BRWD1: variants seen among roughly 807,000 people sequenced by gnomAD.
The protein encoded by BRWD1 is bromodomain and WD repeat-containing protein 1.
In BRWD1, 82 loss-of-function variants were observed where a neutral mutation model predicts 251.2. The observed-to-expected ratio is 0.33, with a 90% CI of 0.27 to 0.39. The LOEUF (loss-of-function observed/expected upper bound fraction) is 0.39. Among genes scored for constraint, BRWD1 ranks in the 10% least tolerant of loss-of-function variants. BRWD1 has a pLI of 1.00. For missense variants in BRWD1, 2,233 were observed against 2,711.6 expected (o/e 0.82, Z 3.92); for synonymous variants, 918 against 902.8 (o/e 1.02, Z -0.30).
At chr21:39,247,305 C>A (rs140257851) in intron 21 of BRWD1, among the ~76,000 whole-genome samples, 1 of 152,108 alleles carries the variant, frequency 6.6e-6, no homozygotes, top group Admixed American at 6.6e-5. Flanking sequence ...TTATCCAGAA[C>A]GCTGGGGAAT....
rs2031686417 is a variant in BRWD1, at chr21:39,194,006, CT to C, written c.*2252del. 2 of 985,500 alleles carry C rather than the reference CT, an allele frequency of 2.0e-6. No individual in the cohort carries two copies. Among genetic ancestry groups the C allele is most frequent in the Non-Finnish European group, 2.4e-6 (2 of 829,698 alleles). The allele number at this position is 985,500 out of a possible 1,614,324, so 61.0% of individuals were successfully genotyped here. ...TGAGAAGCTACCATTGTCGGCTATG[CT>C]TTTAAAGACATCAGGTCCATTCTTG... On this transcript the variant is annotated 3_prime_UTR_variant, in exon 41 of 41. Transcript: ENST00000342449.
At chr21:39,219,295 C>T (rs2033077590) in intron 29 of BRWD1, 1 of 152,332 alleles carries the variant, frequency 6.6e-6, no homozygotes, top group Non-Finnish European at 1.5e-5. Context: ...GTGGGGCACA[C>T]CTGTAATCCC....
At chr21:39,245,144 TGAA>T (rs930966834) in intron 21 of BRWD1, among the ~76,000 whole-genome samples, 2 of 151,772 alleles carry the variant, frequency 1.3e-5, no homozygotes, top group African/African-American at 4.8e-5. Context: ...CTTGGGAGGC[TGAA>T]GGAGGAGGAC....
In BRWD1 at chr21:39,248,677, A is replaced by AAAAAAAAAAAAAAC. The variant is rs2034290160; in HGVS notation, c.2350-846_2350-845insGTTTTTTTTTTTTT. Among the ~76,000 whole-genome samples the AAAAAAAAAAAAAAC allele has an allele frequency of 1.8e-5, 2 of 109,280 alleles. 1 individual carries two copies. Among genetic ancestry groups the AAAAAAAAAAAAAAC allele is most frequent in the Admixed American group, 2.0e-4 (2 of 10,106 alleles). 71.7% of individuals were successfully genotyped at this position (109,280 alleles called of 152,430 possible). A position where few individuals can be genotyped will look rare whatever the true frequency, so the allele number is the denominator to read the frequency against. On this transcript the variant is annotated intron_variant, in intron 20 of 40. Coordinates refer to ENST00000342449, the MANE Select transcript of BRWD1 (RefSeq NM_033656.4). ...AAAAAAAAAAAAAAAAAAAAAAAAA[A>AAAAAAAAAAAAAAC]AAAACACTGGGGGGTGGAGGGCATC...
chr21:39,304,335 G>T (rs1013285836), intron 4 of BRWD1, among the ~76,000 whole-genome samples: 1 of 151,966 alleles, frequency 6.6e-6, no homozygotes, highest in African/African-American at 2.4e-5. Flanking sequence ...AATGAGCAAG[G>T]CACAGTGGCT....
At chr21:39,299,443 G>C (rs1424490364) in intron 4 of BRWD1, among the ~76,000 whole-genome samples, 2 of 152,012 alleles carry the variant, frequency 1.3e-5, no homozygotes, top group Admixed American at 6.6e-5. Context: ...TTAGGTGCCA[G>C]GAGCCATAAG....
Position 39,313,249 on chromosome 21 carries a change from C to G in BRWD1, c.100G>C (p.Ala34Pro). 1 of 1,547,900 alleles carries G rather than the reference C, an allele frequency of 6.5e-7. No individual in the cohort carries two copies. Among genetic ancestry groups the G allele is most frequent in the Non-Finnish European group, 8.8e-7 (1 of 1,142,620 alleles). Residue 34 changes from alanine (A) to proline (P), a missense_variant, in exon 2 of 41, where the codon GCG (alanine) becomes CCG (proline). Physicochemically the swap from Ala to Pro is conservative, Grantham distance 27. Coordinates refer to ENST00000342449, the MANE Select transcript of BRWD1 (RefSeq NM_033656.4). ...CGCGGGCCCGCACTCACCTGGGCCG[C>G]TCTCCGACACGGGCCCGCCGATAGG... is the stretch of plus-strand genomic sequence containing the variant. ...RYLSAGPCRR[A>P]AQVLVQELEQ...
intron 8 of BRWD1, among the ~76,000 whole-genome samples, chr21:39,283,187 G>A (rs1381966954): frequency 1.3e-5 from 2 of 151,890 alleles, no homozygotes; most frequent in African/African-American, 4.9e-5. Flanking sequence ...TTCTTTCGCT[G>A]TCCGTGCTTA....
rs770964641 is a variant in BRWD1, at chr21:39,198,824, T to C, written c.5592A>G (p.Gly1864=). 4.3e-6 allele frequency: 7 copies of C among 1,612,336 alleles called. No homozygotes were observed. The African/African-American group carries it at 9.4e-5, about 22-fold the overall frequency. Residue 1864 remains glycine, a synonymous_variant, in exon 40 of 41, where the codon GGA becomes GGG. Transcript: ENST00000342449. ...CATCTGAATCTAAATCAGTTTCACA[T>C]CCATGATCTGAGGAACACTGGGACA... The part of the protein sequence containing the change: ...IAMSQCSSDH[G]CETDLDSDDD...
At chr21:39,216,022 A>C (rs1189120318) in intron 31 of BRWD1, among the ~76,000 whole-genome samples, 1 of 152,102 alleles carries the variant, frequency 6.6e-6, no homozygotes, top group African/African-American at 2.4e-5. Context: ...AAACAAACAA[A>C]AACTAAGAGC....
chr21:39,218,708 A>C, intron 29 of BRWD1, 48 bp from the exon 30 acceptor site: 1 of 1,434,348 alleles, frequency 7.0e-7, no homozygotes, highest in African/African-American at 1.4e-5. Context: ...AACACAAAAA[A>C]TAAATATATA....
intron 5 of BRWD1, chr21:39,297,634 T>A (rs2035994950): frequency 4.2e-6 from 1 of 236,676 alleles, no homozygotes; most frequent in Non-Finnish European, 6.9e-6. Context: ...AAGAAACAAC[T>A]AAAGCTAACA....
At chr21:39,184,281 A>G (rs1259547828), downstream of BRWD1, 2 of 152,256 alleles carry the variant, frequency 1.3e-5, no homozygotes, top group African/African-American at 4.8e-5. Flanking sequence ...TGTAAAAAAT[A>G]GTGTTTTAAA....
intron 31 of BRWD1, among the ~76,000 whole-genome samples, chr21:39,215,946 G>C (rs2032871442): frequency 6.6e-6 from 1 of 152,146 alleles, no homozygotes; most frequent in Non-Finnish European, 1.5e-5. Flanking sequence ...GCTACAGTGA[G>C]CTATCATCAT....
At chr21:39,287,007 A>G (rs370450497) in intron 8 of BRWD1, among the ~76,000 whole-genome samples, 12 of 152,312 alleles carry the variant, frequency 7.9e-5, no homozygotes, top group East Asian at 7.7e-4. Flanking sequence ...CCTGATGTAG[A>G]TATCACACTG....
intron 36 of BRWD1, among the ~76,000 whole-genome samples, chr21:39,209,174 G>A (rs188617682): frequency 4.3e-4 from 66 of 152,000 alleles, no homozygotes; most frequent in Non-Finnish European, 7.4e-4. Context: ...ATTTGCACAC[G>A]CAACCCATCA....
At chr21:39,201,172 G>A (rs183744783) in intron 38 of BRWD1, among the ~76,000 whole-genome samples, 1 of 152,146 alleles carries the variant, frequency 6.6e-6, no homozygotes, top group African/African-American at 2.4e-5. Context: ...ACAGCTACAC[G>A]AGAGAAAGAG....
At chr21:39,202,030 C>T (rs1439863706) in intron 38 of BRWD1, among the ~76,000 whole-genome samples, 1 of 152,096 alleles carries the variant, frequency 6.6e-6, no homozygotes, top group Non-Finnish European at 1.5e-5. Context: ...ATTCTTAGTA[C>T]TTCTTAATTT....
chr21:39,314,694 G>T (rs756389778), upstream of BRWD1: 2 of 257,486 alleles, frequency 7.8e-6, no homozygotes, highest in Non-Finnish European at 1.6e-5. Flanking sequence ...TTCCTGGAAT[G>T]CGCGTTAACA....
Sources: gnomAD v4.1 joint callset for allele counts (sites outside exome capture counted in the v4.1 genomes callset) on GRCh38, gnomAD v4.1.1 for gene constraint, MANE v1.5 for transcripts, NCBI Gene and HGNC (gene_info 2026-07-23, HGNC 2026-07-21) for gene names.